The following TRIP12 variants were observed in gnomAD, a reference collection of about 807,000 sequenced individuals.
The protein encoded by TRIP12 is thyroid hormone receptor interactor 12.
A neutral mutation model predicts 244.2 loss-of-function variants in TRIP12; 25 were observed. That is an observed-to-expected ratio of 0.10 (90% CI 0.07 to 0.14). The LOEUF (loss-of-function observed/expected upper bound fraction) is 0.14. Among genes scored for constraint, TRIP12 ranks in the 10% least tolerant of loss-of-function variants. The pLI, the probability that TRIP12 is intolerant of heterozygous loss-of-function variation, is 1.00. For missense variants in TRIP12, 1,677 were observed against 2,486.4 expected (o/e 0.67, Z 6.92); for synonymous variants, 905 against 873.1 (o/e 1.04, Z -0.64).
At chr2:229,824,277 G>C (rs1419452589) in intron 8 of TRIP12, among the ~76,000 whole-genome samples, 2 of 152,118 alleles carry the variant, frequency 1.3e-5, no homozygotes, top group Non-Finnish European at 2.9e-5. Context: ...GTTAATATTA[G>C]AGAAACAATG....
rs1574924520 is a variant in TRIP12 at position 229,783,392 on chromosome 2, A to T, written c.5094+2365T>A. 1.8e-4 allele frequency among the ~76,000 whole-genome samples: 28 copies of T among 152,342 alleles called. No individual in the cohort carries two copies. The East Asian group carries it at 5.2e-3, about 28-fold the overall frequency. ...TGGTCCTTCACAGAAAGTTTTCCCA[A>T]GCCATGGGTCTACAATAATCGTAAG... On this transcript the variant is annotated intron_variant, in intron 34 of 41. Coordinates refer to ENST00000675903, the MANE Select transcript of TRIP12 (RefSeq NM_001348323.3).
Position 229,859,572 on chromosome 2 carries a change from C to T in TRIP12, c.227G>A (p.Ser76Asn), listed in dbSNP as rs1394373769. 6.2e-7 allele frequency: 1 copy of T among 1,609,672 alleles called. No homozygotes were observed. Among genetic ancestry groups the T allele is most frequent in the Non-Finnish European group, 8.5e-7 (1 of 1,177,796 alleles). ...TATCACAGCAGATGATGAACTGCAG[C>T]TTCTAAGAGGTTAGATAAGAAAACA... ...ELSRGHLSKR[S>N]CSSSSAVIVP... The change falls in exon 4 of 42, where the codon AGC (serine) becomes AAC (asparagine). Residue 76 changes from serine (S) to asparagine (N), a missense_variant and splice_region_variant. Physicochemically the swap from Ser to Asn is conservative, Grantham distance 46 (BLOSUM62 1). This residue lies in a region of TRIP12 where 387 missense variants were observed against 392.6 expected (regional missense o/e 0.99). Coordinates refer to ENST00000675903, the MANE Select transcript of TRIP12 (RefSeq NM_001348323.3).
chr2:229,799,124 A>C, intron 22 of TRIP12, 75 bp from the exon 23 acceptor site: 2 of 1,551,908 alleles, frequency 1.3e-6, no homozygotes, highest in Non-Finnish European at 1.8e-6. Flanking sequence ...TTTAAGATTC[A>C]CAGTCTTAAC....
At chr2:229,809,625 G>GT in intron 15 of TRIP12, among the ~76,000 whole-genome samples, 1 of 152,294 alleles carries the variant, frequency 6.6e-6, no homozygotes, top group East Asian at 1.9e-4. Flanking sequence ...AGAGACTTTA[G>GT]TAAGTAAAAT....
At chr2:229,796,853 C>A in intron 24 of TRIP12, 71 bp from the exon 25 acceptor site, 1 of 1,360,118 alleles carries the variant, frequency 7.4e-7, no homozygotes, top group South Asian at 1.5e-5. Context: ...CTCACATATC[C>A]TCAAAAGGAA....
At chr2:229,914,405 A>G (rs2074974785) in intron 1 of TRIP12, among the ~76,000 whole-genome samples, 1 of 152,178 alleles carries the variant, frequency 6.6e-6, no homozygotes. Flanking sequence ...CAGCATTTGC[A>G]TATATTTCCT....
chr2:229,860,911 A>G (rs541872118), intron 2 of TRIP12, among the ~76,000 whole-genome samples: 6 of 152,310 alleles, frequency 3.9e-5, no homozygotes, highest in African/African-American at 1.4e-4. Context: ...ACATAATGTG[A>G]CTGTAATGGC....
chr2:229,855,075 C>A (rs2059359350), intron 4 of TRIP12, among the ~76,000 whole-genome samples: 1 of 152,138 alleles, frequency 6.6e-6, no homozygotes, highest in South Asian at 2.1e-4. Context: ...ACCAGCCTGG[C>A]CAACATGGTG....
chr2:229,843,755 G>C lies in TRIP12; in HGVS notation c.1028-2828C>G, dbSNP rs995424764. The stretch of plus-strand genomic sequence containing the variant: ...AATAAAAATAAATTAGCTGGGCATG[G>C]TGATGCATGTCTATAGTCCCAGCTA... On this transcript the variant is annotated intron_variant, in intron 4 of 41. Transcript: ENST00000675903. 2.6e-5 allele frequency among the ~76,000 whole-genome samples: 4 copies of C among 152,144 alleles called. 1 individual carries two copies. Among genetic ancestry groups the C allele is most frequent in the Non-Finnish European group, 5.9e-5 (4 of 68,022 alleles).
chr2:229,767,142 T>C lies in TRIP12; in HGVS notation c.*412A>G, dbSNP rs765348195. On this transcript the variant is annotated 3_prime_UTR_variant, in exon 42 of 42. Transcript: ENST00000675903. ...ACATGTGAGCTTAAATTTCTGTACT[T>C]ATGTACAAGAGTTGTCTTTGGAGGA... The C allele has an allele frequency of 2.5e-5, 4 of 159,374 alleles. No homozygotes were observed. The highest frequency in any genetic ancestry group is 4.1e-5 in the Non-Finnish European group (3 of 72,882). 9.9% of individuals were successfully genotyped at this position (159,374 alleles called of 1,614,324 possible). A position where few individuals can be genotyped will look rare whatever the true frequency, so the allele number is the denominator to read the frequency against.
intron 6 of TRIP12, among the ~76,000 whole-genome samples, chr2:229,832,455 A>T (rs1476031209): frequency 6.6e-6 from 1 of 152,236 alleles, no homozygotes; most frequent in Non-Finnish European, 1.5e-5. Context: ...TTAACCAGAA[A>T]TACTGAAGTT....
chr2:229,768,218 C>T (rs867930214), intron 41 of TRIP12, among the ~76,000 whole-genome samples: 49 of 152,132 alleles, frequency 3.2e-4, no homozygotes, highest in Admixed American at 2.6e-4. Flanking sequence ...GCCAAGATCA[C>T]GCCACTGCAC....
At chr2:229,872,103 G>GAAA (rs1202088343) in intron 2 of TRIP12, among the ~76,000 whole-genome samples, 2 of 31,806 alleles carry the variant, frequency 6.3e-5, no homozygotes, top group Non-Finnish European at 1.5e-4. Flanking sequence ...GACAGATATT[G>GAAA]TAAAAAAAAA....
intron 2 of TRIP12, among the ~76,000 whole-genome samples, chr2:229,863,401 T>C (rs1284207118): frequency 1.3e-5 from 2 of 152,156 alleles, no homozygotes. Context: ...CCCATGGGAC[T>C]TAATACATTT....
At chr2:229,918,783 C>T (rs1326349355) in intron 1 of TRIP12, among the ~76,000 whole-genome samples, 1 of 152,132 alleles carries the variant, frequency 6.6e-6, no homozygotes, top group Non-Finnish European at 1.5e-5. Context: ...CATGGACCAC[C>T]ACGACTAATG....
chr2:229,829,313 GA>G (rs748561848), intron 7 of TRIP12, 25 bp from the exon 8 acceptor site: 1 of 1,585,560 alleles, frequency 6.3e-7, no homozygotes, highest in East Asian at 2.2e-5. Context: ...AGGGCAGAGT[GA>G]ACAACTAAGA....
At chr2:229,819,816 C>A (rs762921388) in intron 8 of TRIP12, among the ~76,000 whole-genome samples, 5 of 152,134 alleles carry the variant, frequency 3.3e-5, no homozygotes, top group African/African-American at 4.8e-5. Flanking sequence ...AAAAACTGAA[C>A]CTAATAATTT....
chr2:229,809,047 T>C (rs1182461133), intron 15 of TRIP12, among the ~76,000 whole-genome samples: 1 of 152,242 alleles, frequency 6.6e-6, no homozygotes, highest in Non-Finnish European at 1.5e-5. Context: ...AGCTGGGTCT[T>C]TGCTGATTGT....
chr2:229,829,047 T>G, intron 8 of TRIP12, 146 bp downstream of exon 8: 1 of 576,374 alleles, frequency 1.7e-6, no homozygotes, highest in Non-Finnish European at 3.0e-6. Context: ...AAAGCTGTAT[T>G]TAAGGTGTGA....
Sources: gnomAD v4.1 joint callset for allele counts (sites outside exome capture counted in the v4.1 genomes callset) on GRCh38, gnomAD v4.1.1 for gene constraint, gnomAD v4.1.1 regional missense constraint, MANE v1.5 for transcripts, NCBI Gene and HGNC (gene_info 2026-07-23, HGNC 2026-07-21) for gene names.